ZNF385D: variants seen among roughly 807,000 people sequenced by gnomAD.
ZNF385D encodes zinc finger protein 659.
In ZNF385D, 15 loss-of-function variants were observed where a neutral mutation model predicts 35.8. The ratio of observed to expected loss-of-function variants is 0.42; its 90% CI spans 0.28 to 0.64. The LOEUF (loss-of-function observed/expected upper bound fraction) is 0.64. Among genes scored for constraint, ZNF385D ranks in the 30% least tolerant of loss-of-function variants. ZNF385D has a pLI of 0.23. For synonymous variants in ZNF385D, 212 were observed against 186.8 expected (o/e 1.13, Z -1.10); for missense variants, 474 against 494.6 (o/e 0.96, Z 0.39).
chr3:22,157,586 C>T (rs867451295), intron 3 of ZNF385D, among the ~76,000 whole-genome samples: 96 of 152,020 alleles, frequency 6.3e-4, no homozygotes, highest in African/African-American at 2.2e-3. Flanking sequence ...TGCATTAATT[C>T]GGCTTTTATT....
At chr3:21,987,137 G>T (rs1334207113) in intron 3 of ZNF385D, among the ~76,000 whole-genome samples, 1 of 130,424 alleles carries the variant, frequency 7.7e-6, no homozygotes, top group Non-Finnish European at 1.6e-5. Context: ...GCCAGTCTGT[G>T]TCTTTTAATT....
At chr3:21,576,265 A>T (rs145632092) in intron 2 of ZNF385D, among the ~76,000 whole-genome samples, 2 of 152,198 alleles carry the variant, frequency 1.3e-5, no homozygotes, top group African/African-American at 2.4e-5. Context: ...TTGTTCAGAA[A>T]ATCAGTGCTT....
chr3:21,424,090 G>A lies in ZNF385D; in HGVS notation c.853-26C>T, dbSNP rs1365141188. 5 of 1,531,862 alleles carry A rather than the reference G, an allele frequency of 3.3e-6. 1 individual carries two copies. The South Asian group carries it at 6.4e-5, about 19-fold the overall frequency. The allele number at this position is 1,531,862 out of a possible 1,614,324, so 94.9% of individuals were successfully genotyped here. ...CTATTAAAAGTAATTTAAAATGACA[G>A]CTTTAAAAAAATCATCTGCAAAAAC... On this transcript the variant is annotated intron_variant, in intron 6 of 7. Transcript: ENST00000281523.
At chr3:22,263,645 G>T (rs999707701) in intron 2 of ZNF385D, among the ~76,000 whole-genome samples, 25 of 151,912 alleles carry the variant, frequency 1.6e-4, no homozygotes, top group Non-Finnish European at 3.5e-4. Context: ...GCACCAAATA[G>T]GCACTTAATA....
At chr3:22,194,172 T>G (rs1197103499) in intron 2 of ZNF385D, among the ~76,000 whole-genome samples, 3 of 151,840 alleles carry the variant, frequency 2.0e-5, no homozygotes, top group Non-Finnish European at 4.4e-5. Context: ...ATAACAACTA[T>G]CAGATTTTGA....
chr3:22,166,310 TATTA>T (rs1317416252), intron 3 of ZNF385D, among the ~76,000 whole-genome samples: 3 of 152,204 alleles, frequency 2.0e-5, no homozygotes, highest in African/African-American at 7.2e-5. Flanking sequence ...TTGAATAGTA[TATTA>T]ATCAAAGAAT....
chr3:21,722,237 T>A (rs35131237), intron 1 of ZNF385D, among the ~76,000 whole-genome samples: 25,765 of 152,156 alleles, frequency 0.17, 2,643 homozygotes, highest in Admixed American at 0.3. Context: ...TGCTTTACAA[T>A]AGCATTTCCC....
At chr3:21,718,724 T>C (rs2068423071) in intron 1 of ZNF385D, among the ~76,000 whole-genome samples, 1 of 152,154 alleles carries the variant, frequency 6.6e-6, no homozygotes, top group South Asian at 2.1e-4. Context: ...TTCCTAAATA[T>C]AAATCTGCAA....
At chr3:21,886,326 T>G (rs191448373) in intron 3 of ZNF385D, among the ~76,000 whole-genome samples, 1 of 152,176 alleles carries the variant, frequency 6.6e-6, no homozygotes, top group African/African-American at 2.4e-5. Flanking sequence ...GCACAGTGAT[T>G]GTAGATTTAG....
At chr3:21,484,484 C>A (rs1486937107) in intron 4 of ZNF385D, among the ~76,000 whole-genome samples, 1 of 152,148 alleles carries the variant, frequency 6.6e-6, no homozygotes, top group African/African-American at 2.4e-5. Context: ...ACCTCTTCCT[C>A]CTGCGATGTC....
At chr3:22,024,172 A>G (rs1045655454) in intron 3 of ZNF385D, among the ~76,000 whole-genome samples, 5 of 152,076 alleles carry the variant, frequency 3.3e-5, no homozygotes, top group African/African-American at 9.7e-5. Flanking sequence ...CCCATTCTGG[A>G]TGCTTCCTGC....
At chr3:22,208,021 G>T (rs919055547) in intron 2 of ZNF385D, among the ~76,000 whole-genome samples, 1 of 151,912 alleles carries the variant, frequency 6.6e-6, no homozygotes, top group African/African-American at 2.4e-5. Context: ...AGAGTTTAAA[G>T]GTTCCTCTAA....
At chr3:22,012,164 G>T (rs1053390517) in intron 3 of ZNF385D, among the ~76,000 whole-genome samples, 1 of 152,152 alleles carries the variant, frequency 6.6e-6, no homozygotes, top group East Asian at 1.9e-4. Context: ...CTGGGGCAAA[G>T]AAGTCCATTA....
chr3:22,188,574 C>T (rs565553255), intron 2 of ZNF385D, among the ~76,000 whole-genome samples: 5 of 152,040 alleles, frequency 3.3e-5, no homozygotes, highest in East Asian at 3.9e-4. Context: ...CTCAGCCTCC[C>T]GAGTAGCTGG....
chr3:21,704,170 T>G (rs150911123), intron 1 of ZNF385D, among the ~76,000 whole-genome samples: 101 of 152,312 alleles, frequency 6.6e-4, no homozygotes, highest in African/African-American at 2.2e-3. Context: ...TCCCTGAAAC[T>G]GAACTTATTT....
chr3:22,367,190 T>C (rs902573548), intron 2 of ZNF385D, among the ~76,000 whole-genome samples: 2 of 152,166 alleles, frequency 1.3e-5, no homozygotes, highest in African/African-American at 4.8e-5. Context: ...ACTTTACGTG[T>C]ATCACCTTAT....
intron 3 of ZNF385D, among the ~76,000 whole-genome samples, chr3:22,094,615 A>C (rs1225810545): frequency 6.6e-6 from 1 of 151,874 alleles, no homozygotes. Context: ...TTTTGAGGAC[A>C]TCTCAGCCAT....
At chr3:21,658,635 G>A (rs903620035) in intron 2 of ZNF385D, among the ~76,000 whole-genome samples, 2 of 151,568 alleles carry the variant, frequency 1.3e-5, no homozygotes, top group Non-Finnish European at 2.9e-5. Context: ...AAAAATGTGC[G>A]TTGAGTCTTT....
At chr3:22,072,619 A>T (rs1235852014) in intron 3 of ZNF385D, among the ~76,000 whole-genome samples, 2 of 152,034 alleles carry the variant, frequency 1.3e-5, no homozygotes, top group African/African-American at 4.8e-5. Context: ...AATCAAAACT[A>T]AAAAGAATCA....
Sources: gnomAD v4.1 joint callset for allele counts (sites outside exome capture counted in the v4.1 genomes callset) on GRCh38, gnomAD v4.1.1 for gene constraint, MANE v1.5 for transcripts, NCBI Gene and HGNC (gene_info 2026-07-23, HGNC 2026-07-21) for gene names.